COL26A1: variants seen among roughly 807,000 people sequenced by gnomAD.
The protein encoded by COL26A1 is collagen type XXVI alpha 1 chain.
COL26A1 carries 41 observed loss-of-function variants against 59.3 expected under a neutral mutation model. The observed-to-expected ratio is 0.69, with a 90% CI of 0.54 to 0.90. The LOEUF is 0.90. Ranked by LOEUF, COL26A1 falls within the 40% of genes least tolerant of loss-of-function variation. COL26A1 has a pLI of 0.00. For synonymous variants in COL26A1, 266 were observed against 256.0 expected (o/e 1.04, Z -0.37); for missense variants, 612 against 602.3 (o/e 1.02, Z -0.17).
chr7:101,439,235 G>A (rs1034543181), intron 2 of COL26A1, among the ~76,000 whole-genome samples: 4 of 151,916 alleles, frequency 2.6e-5, no homozygotes, highest in African/African-American at 4.8e-5. Context: ...CTAGTCAGTC[G>A]ATTGATAGTG....
At chr7:101,554,867 T>G (rs184245052) in intron 11 of COL26A1, among the ~76,000 whole-genome samples, 2 of 152,332 alleles carry the variant, frequency 1.3e-5, no homozygotes, top group African/African-American at 4.8e-5. Context: ...GACACGACAC[T>G]GACATCCCTG....
intron 1 of COL26A1, among the ~76,000 whole-genome samples, chr7:101,391,224 C>G (rs966736174): frequency 3.9e-5 from 6 of 152,186 alleles, no homozygotes; most frequent in Non-Finnish European, 8.8e-5. Context: ...TCAGTTTATT[C>G]ACACATGACT....
intron 1 of COL26A1, among the ~76,000 whole-genome samples, chr7:101,411,033 G>T (rs543910015): frequency 7.9e-5 from 12 of 152,284 alleles, no homozygotes; most frequent in Middle Eastern, 3.4e-3. Flanking sequence ...AACAGTGAGG[G>T]CAGGTGTGGT....
At chr7:101,397,832 C>T (rs1278076893) in intron 1 of COL26A1, among the ~76,000 whole-genome samples, 1 of 152,146 alleles carries the variant, frequency 6.6e-6, no homozygotes, top group African/African-American at 2.4e-5. Flanking sequence ...GCCACCATGC[C>T]TGGTCTAAAG....
intron 3 of COL26A1, among the ~76,000 whole-genome samples, chr7:101,489,798 CTTTCTT>C (rs1794384174): frequency 5.7e-4 from 1 of 1,750 alleles, no homozygotes; most frequent in East Asian, 4.4e-3. Context: ...TTCTTTCTTT[CTTTCTT>C]TCTTTCTTTC....
At chr7:101,411,575 G>A (rs1792241981) in intron 1 of COL26A1, among the ~76,000 whole-genome samples, 1 of 152,136 alleles carries the variant, frequency 6.6e-6, no homozygotes, top group Non-Finnish European at 1.5e-5. Context: ...CTCCTGGTAA[G>A]GAAACGGGGA....
intron 1 of COL26A1, among the ~76,000 whole-genome samples, chr7:101,390,981 C>T (rs1562959510): frequency 1.3e-5 from 2 of 152,190 alleles, no homozygotes; most frequent in African/African-American, 2.4e-5. Context: ...TAGGTCTACT[C>T]TTTGGCCTGT....
chr7:101,398,628 G>C (rs1344997982), intron 1 of COL26A1, among the ~76,000 whole-genome samples: 2 of 152,182 alleles, frequency 1.3e-5, no homozygotes, highest in South Asian at 4.1e-4. Context: ...GTGTGCTTCC[G>C]TGAGCCAGAC....
chr7:101,387,026 A>C (rs747651860), intron 1 of COL26A1, among the ~76,000 whole-genome samples: 8 of 152,164 alleles, frequency 5.3e-5, no homozygotes, highest in Non-Finnish European at 8.8e-5. Context: ...ACCGCACACC[A>C]GGAAACGCGC....
At position 101,371,758 on chromosome 7, in the gene COL26A1, C is replaced by A. The variant is rs372897250; in HGVS notation, c.158+8568C>A. ...AGTGAGCTATGATTACACCACTGCG[C>A]TCCAGCCTGGGTGACAGAGTGAGAC... On this transcript the variant is annotated intron_variant, in intron 1 of 12. Transcript: ENST00000313669. Among the ~76,000 whole-genome samples, 9 of 152,284 alleles carry A rather than the reference C, an allele frequency of 5.9e-5. 1 individual carries two copies. The highest frequency in any genetic ancestry group is 2.2e-4 in the African/African-American group (9 of 41,574).
At chr7:101,544,213 C>A in intron 6 of COL26A1, 117 bp downstream of exon 6, 1 of 691,546 alleles carries the variant, frequency 1.4e-6, no homozygotes, top group Non-Finnish European at 2.4e-6. Flanking sequence ...TGCTGGGTAC[C>A]AGAAAAACGG....
In COL26A1 at chr7:101,427,371, AT is replaced by A. The variant is rs201293015; in HGVS notation, c.281+7280del. Among the ~76,000 whole-genome samples, 568 of 151,720 alleles carry A rather than the reference AT, an allele frequency of 3.7e-3. 4 individuals carry two copies. Among genetic ancestry groups the A allele is most frequent in the African/African-American group, 0.013 (548 of 41,444 alleles). On this transcript the variant is annotated intron_variant, in intron 2 of 12. Coordinates refer to ENST00000313669, the MANE Select transcript of COL26A1 (RefSeq NM_001278563.3). Reference sequence around the variant, plus strand: ...TGCCACCACACCTGGTTAATTAAAAATTTTTTTTGGCGGGGCATGGTGGCTC... The same window carrying A: ...TGCCACCACACCTGGTTAATTAAAAATTTTTTTGGCGGGGCATGGTGGCTC...
intron 3 of COL26A1, among the ~76,000 whole-genome samples, chr7:101,489,601 T>TTCTTTC (rs1286911630): frequency 9.5e-6 from 1 of 105,116 alleles, no homozygotes; most frequent in East Asian, 3.6e-4. Context: ...TTTTCTTTCT[T>TTCTTTC]TTTCTTTCTT....
intron 1 of COL26A1, chr7:101,388,954 TACCA>T (rs940587345): frequency 3.6e-6 from 1 of 277,292 alleles, no homozygotes; most frequent in African/African-American, 2.3e-5. Context: ...CAGGAATATC[TACCA>T]ATTCCTCTGA....
chr7:101,385,337 GTA>G lies in COL26A1; in HGVS notation c.158+22159_158+22160del, dbSNP rs757870255. Among the ~76,000 whole-genome samples, 124 of 139,858 alleles carry G rather than the reference GTA, an allele frequency of 8.9e-4. 1 individual carries two copies. The highest frequency in any genetic ancestry group is 3.8e-3 in the Middle Eastern group (1 of 262). 91.8% of individuals were successfully genotyped at this position (139,858 alleles called of 152,430 possible). A position where few individuals can be genotyped will look rare whatever the true frequency, so the allele number is the denominator to read the frequency against. ...TATATATATACTCGACACTAAATAT[GTA>G]TATATATATATGTGTATATATATGT... On this transcript the variant is annotated intron_variant, in intron 1 of 12. Coordinates refer to ENST00000313669, the MANE Select transcript of COL26A1 (RefSeq NM_001278563.3).
At chr7:101,379,596 G>C (rs570922814) in intron 1 of COL26A1, among the ~76,000 whole-genome samples, 1 of 152,202 alleles carries the variant, frequency 6.6e-6, no homozygotes, top group Non-Finnish European at 1.5e-5. Context: ...AATACAGGTT[G>C]GGTAAAATGA....
intron 1 of COL26A1, among the ~76,000 whole-genome samples, chr7:101,386,963 G>C (rs1791591561): frequency 6.6e-6 from 1 of 152,096 alleles, no homozygotes; most frequent in Non-Finnish European, 1.5e-5. Flanking sequence ...ATCTGCCCTA[G>C]ATTAATCCCA....
intron 3 of COL26A1, among the ~76,000 whole-genome samples, chr7:101,473,608 CCA>C (rs150820078): frequency 0.037 from 5,300 of 143,246 alleles, 109 homozygotes; most frequent in Middle Eastern, 0.048. Flanking sequence ...CACCTTGTCT[CCA>C]CACACACACA....
intron 1 of COL26A1, among the ~76,000 whole-genome samples, chr7:101,391,854 CTTTCTTTTCT>C (rs139380820): frequency 0.32 from 48,398 of 149,154 alleles, 8,042 homozygotes; most frequent in African/African-American, 0.36. Flanking sequence ...CATGCCAAGC[CTTTCTTTTCT>C]TTTCTTTTCT....
Sources: gnomAD v4.1 joint callset for allele counts (sites outside exome capture counted in the v4.1 genomes callset) on GRCh38, gnomAD v4.1.1 for gene constraint, MANE v1.5 for transcripts, NCBI Gene and HGNC (gene_info 2026-07-23, HGNC 2026-07-21) for gene names.